The following CSGALNACT1 variants were observed in gnomAD, a reference collection of about 807,000 sequenced individuals.
The protein encoded by CSGALNACT1 is chondroitin sulfate N-acetylgalactosaminyltransferase 1, also known as beta4GalNAcT-1.
Under a neutral mutation model 51.0 loss-of-function variants are expected in CSGALNACT1, and 52 were observed. That is an observed-to-expected ratio of 1.02 (90% CI 0.82 to 1.29). CSGALNACT1 has a LOEUF of 1.29. Among genes scored for constraint, CSGALNACT1 ranks in the 50% most tolerant of loss-of-function variants. The pLI is 0.00. For missense variants in CSGALNACT1, 935 were observed against 679.2 expected (o/e 1.38, Z -4.19); for synonymous variants, 341 against 254.4 (o/e 1.34, Z -3.24).
intron 3 of CSGALNACT1, among the ~76,000 whole-genome samples, chr8:19,559,097 A>G (rs1281084362): frequency 6.6e-6 from 1 of 152,190 alleles, no homozygotes; most frequent in East Asian, 1.9e-4. Context: ...ATGAAATTAA[A>G]CATTTCAATG....
At chr8:19,407,183 C>A (rs2153660855) in intron 9 of CSGALNACT1, among the ~76,000 whole-genome samples, 1 of 145,340 alleles carries the variant, frequency 6.9e-6, no homozygotes, top group Middle Eastern at 3.7e-3. Flanking sequence ...GACTTGACTT[C>A]AACATTTTTT....
At chr8:19,603,016 A>C (rs1243071508), upstream of CSGALNACT1, among the ~76,000 whole-genome samples, 1 of 149,346 alleles carries the variant, frequency 6.7e-6, no homozygotes, top group Non-Finnish European at 1.5e-5. Context: ...ATTCATATAT[A>C]CAAACATACA....
At chr8:19,416,001 A>G (rs2056792034) in intron 8 of CSGALNACT1, among the ~76,000 whole-genome samples, 2 of 152,214 alleles carry the variant, frequency 1.3e-5, no homozygotes, top group African/African-American at 4.8e-5. Context: ...ATTTTCTTGT[A>G]AGTGTAACTC....
intron 4 of CSGALNACT1, among the ~76,000 whole-genome samples, chr8:19,468,395 G>T (rs564249073): frequency 6.6e-6 from 1 of 152,228 alleles, no homozygotes; most frequent in East Asian, 1.9e-4. Flanking sequence ...CGGGACGAGG[G>T]GTCACATCAT....
intron 6 of CSGALNACT1, among the ~76,000 whole-genome samples, chr8:19,428,533 A>C (rs1184043846): frequency 6.6e-6 from 1 of 152,148 alleles, no homozygotes; most frequent in Non-Finnish European, 1.5e-5. Context: ...AACACGTGGG[A>C]ATTACGGGAG....
At chr8:19,454,858 T>C (rs2063799944) in intron 5 of CSGALNACT1, among the ~76,000 whole-genome samples, 1 of 152,248 alleles carries the variant, frequency 6.6e-6, no homozygotes. Context: ...GCGAGATCTC[T>C]TGGGAACTAA....
chr8:19,728,751 T>C (rs1274068497), intron 1 of CSGALNACT1, among the ~76,000 whole-genome samples: 1 of 152,196 alleles, frequency 6.6e-6, no homozygotes, highest in Non-Finnish European at 1.5e-5. Context: ...AATACTTTCT[T>C]AGAATTTCTA....
chr8:19,481,989 A>G (rs1054159783), intron 4 of CSGALNACT1, among the ~76,000 whole-genome samples: 8 of 152,194 alleles, frequency 5.3e-5, no homozygotes, highest in East Asian at 1.9e-4. Context: ...CAGCTACTCA[A>G]TAGGACATAG....
In CSGALNACT1 at chr8:19,608,267, A is replaced by G. The variant is rs187202322; in HGVS notation, c.-543-6402T>C. On this transcript the variant is annotated intron_variant, in intron 1 of 9. Coordinates refer to the CSGALNACT1 transcript ENST00000332246. ...GGACACCTATACGGGGCAGCCCAAC[A>G]TAACAAATTATACATTCCCACACCT... 1.0e-3 allele frequency among the ~76,000 whole-genome samples: 152 copies of G among 152,324 alleles called. 1 individual carries two copies. The highest frequency in any genetic ancestry group is 3.3e-3 in the African/African-American group (139 of 41,582).
intron 3 of CSGALNACT1, among the ~76,000 whole-genome samples, chr8:19,513,424 C>CTATA (rs2078844557): frequency 1.1e-5 from 1 of 87,046 alleles, no homozygotes; most frequent in South Asian, 3.9e-4. Flanking sequence ...CACTCTCTCT[C>CTATA]TCTCTCTCTC....
At chr8:19,666,421 G>A (rs983046076) in intron 1 of CSGALNACT1, among the ~76,000 whole-genome samples, 2 of 152,092 alleles carry the variant, frequency 1.3e-5, no homozygotes, top group African/African-American at 4.8e-5. Context: ...TCAGCCAGGT[G>A]TGGTTGCTCA....
chr8:19,436,766 C>A (rs1365807527), intron 6 of CSGALNACT1, among the ~76,000 whole-genome samples: 1 of 151,986 alleles, frequency 6.6e-6, no homozygotes, highest in Non-Finnish European at 1.5e-5. Flanking sequence ...TAAAAATTAG[C>A]CGGGCATGGT....
At chr8:19,532,091 G>C (rs1368462507) in intron 3 of CSGALNACT1, 12 of 151,874 alleles carry the variant, frequency 7.9e-5, no homozygotes, top group African/African-American at 2.9e-4. Flanking sequence ...TCTAGGCTCT[G>C]TTGGTCTTGG....
chr8:19,422,127 A>G (rs1300125589), intron 6 of CSGALNACT1, among the ~76,000 whole-genome samples: 1 of 152,116 alleles, frequency 6.6e-6, no homozygotes, highest in Non-Finnish European at 1.5e-5. Context: ...ACACACTAAG[A>G]CGCTATTTTT....
At chr8:19,526,370 G>A (rs981524278) in intron 3 of CSGALNACT1, among the ~76,000 whole-genome samples, 31 of 152,294 alleles carry the variant, frequency 2.0e-4, no homozygotes, top group Non-Finnish European at 1.0e-4. Context: ...AGATCACAAG[G>A]TGAAGAGAAT....
At chr8:19,411,035 T>A (rs897038150) in intron 8 of CSGALNACT1, among the ~76,000 whole-genome samples, 1 of 152,196 alleles carries the variant, frequency 6.6e-6, no homozygotes, top group Non-Finnish European at 1.5e-5. Context: ...CATTTCTTCT[T>A]ATCCTTCTGC....
chr8:19,583,996 A>C (rs1194771057), intron 3 of CSGALNACT1, among the ~76,000 whole-genome samples: 1 of 152,236 alleles, frequency 6.6e-6, no homozygotes, highest in African/African-American at 2.4e-5. Flanking sequence ...TGAATAACAC[A>C]TAAGCACAAA....
At chr8:19,666,815 G>GAA (rs1225845055) in intron 1 of CSGALNACT1, among the ~76,000 whole-genome samples, 2 of 31,340 alleles carry the variant, frequency 6.4e-5, no homozygotes, top group African/African-American at 3.0e-4. Flanking sequence ...AAGAAAGAGA[G>GAA]AGAGAGAGAG....
chr8:19,747,745 A>G (rs190536148), intron 1 of CSGALNACT1, among the ~76,000 whole-genome samples: 2 of 152,124 alleles, frequency 1.3e-5, no homozygotes, highest in Non-Finnish European at 2.9e-5. Flanking sequence ...AGTCAGCTAC[A>G]GAGCTCTGTC....
Sources: allele counts gnomAD v4.1 joint callset (sites outside exome capture counted in the v4.1 genomes callset), GRCh38; gene constraint gnomAD v4.1.1; transcripts MANE v1.5; gene names NCBI Gene and HGNC (gene_info 2026-07-23, HGNC 2026-07-21).